Variants in KCTD8 observed in about 807,000 individuals in gnomAD.
KCTD8 encodes potassium channel tetramerization domain containing 8.
A neutral mutation model predicts 31.5 loss-of-function variants in KCTD8; 27 were observed. That is an observed-to-expected ratio of 0.86 (90% CI 0.63 to 1.18). KCTD8 has a LOEUF of 1.18. Ranked by LOEUF, KCTD8 falls within the 50% of genes most tolerant of loss-of-function variation. The pLI, the probability that KCTD8 is intolerant of heterozygous loss-of-function variation, is 0.00. For missense variants in KCTD8, 658 were observed against 647.7 expected (o/e 1.02, Z -0.17); for synonymous variants, 290 against 280.0 (o/e 1.04, Z -0.36).
chr4:44,224,359 G>C (rs1349679878), intron 1 of KCTD8, among the ~76,000 whole-genome samples: 2 of 152,056 alleles, frequency 1.3e-5, no homozygotes, highest in Non-Finnish European at 2.9e-5. Flanking sequence ...CCACCAACAT[G>C]CAGAAAACTC....
chr4:44,374,835 C>A (rs1719878926), intron 1 of KCTD8, among the ~76,000 whole-genome samples: 1 of 152,042 alleles, frequency 6.6e-6, no homozygotes. Context: ...GATAACTGAT[C>A]ACAGATCATC....
intron 1 of KCTD8, among the ~76,000 whole-genome samples, chr4:44,397,977 T>A (rs1371420664): frequency 1.3e-5 from 2 of 152,162 alleles, no homozygotes; most frequent in Admixed American, 6.6e-5. Context: ...ATCCTTTTGG[T>A]CACATCCTTT....
chr4:44,176,916 G>C (rs1713235176), intron 1 of KCTD8, among the ~76,000 whole-genome samples: 1 of 125,460 alleles, frequency 8.0e-6, no homozygotes, highest in Admixed American at 8.1e-5. Flanking sequence ...AAAGTCTTAA[G>C]CAATATTTCA....
intron 1 of KCTD8, among the ~76,000 whole-genome samples, chr4:44,415,729 A>T (rs1389897972): frequency 6.6e-6 from 1 of 152,190 alleles, no homozygotes; most frequent in African/African-American, 2.4e-5. Flanking sequence ...AGGCAAACAG[A>T]ATGCAAAAGT....
At chr4:44,427,369 AAATCCTAGC>A (rs1721374870) in intron 1 of KCTD8, among the ~76,000 whole-genome samples, 1 of 151,382 alleles carries the variant, frequency 6.6e-6, no homozygotes, top group African/African-American at 2.4e-5. Flanking sequence ...GTATTACTAT[AAATCCTAGC>A]AAGTTCTATA....
intron 1 of KCTD8, among the ~76,000 whole-genome samples, chr4:44,238,092 T>A (rs1434620549): frequency 6.6e-6 from 1 of 152,110 alleles, no homozygotes; most frequent in East Asian, 1.9e-4. Flanking sequence ...TGTACCATAA[T>A]CCCCCTTACT....
intron 1 of KCTD8, among the ~76,000 whole-genome samples, chr4:44,379,873 A>C (rs1286528432): frequency 6.6e-6 from 1 of 152,068 alleles, no homozygotes; most frequent in African/African-American, 2.4e-5. Flanking sequence ...TTAAAATCAC[A>C]CTCAAAGCCT....
intron 1 of KCTD8, among the ~76,000 whole-genome samples, chr4:44,234,805 A>T (rs949250261): frequency 1.8e-4 from 27 of 152,194 alleles, no homozygotes; most frequent in African/African-American, 5.5e-4. Context: ...TGGGAGCCTA[A>T]CCAAAGTAAA....
intron 1 of KCTD8, among the ~76,000 whole-genome samples, chr4:44,277,655 A>T (rs1382631657): frequency 2.0e-5 from 3 of 151,914 alleles, no homozygotes; most frequent in African/African-American, 7.2e-5. Context: ...TAATTAATTA[A>T]TAATTAATTA....
chr4:44,429,682 T>G (rs1721427920), intron 1 of KCTD8, among the ~76,000 whole-genome samples: 1 of 151,778 alleles, frequency 6.6e-6, no homozygotes, highest in Non-Finnish European at 1.5e-5. Context: ...CTCTGGCAAG[T>G]TTAAAAAGTA....
chr4:44,318,626 A>T (rs935930143), intron 1 of KCTD8, among the ~76,000 whole-genome samples: 3 of 152,244 alleles, frequency 2.0e-5, no homozygotes, highest in Non-Finnish European at 4.4e-5. Context: ...GTTAACTGAC[A>T]TAGTGAGGGA....
rs114921160 is a variant in KCTD8 at position 44,389,162 on chromosome 4, G to C, written c.961+58401C>G. On this transcript the variant is annotated intron_variant, in intron 1 of 1. Transcript: ENST00000360029. ...AGGATGTTGTAAGGAGGTAAGGATG[G>C]TTAATGGGTACAAAAATATAGTTAG... 8.5e-3 allele frequency among the ~76,000 whole-genome samples: 1,296 copies of C among 151,804 alleles called. 14 individuals are homozygous for C. Among genetic ancestry groups the C allele is most frequent in the Middle Eastern group, 0.017 (5 of 294 alleles).
At chr4:44,316,520 G>A (rs1718112742) in intron 1 of KCTD8, among the ~76,000 whole-genome samples, 1 of 151,886 alleles carries the variant, frequency 6.6e-6, no homozygotes, top group African/African-American at 2.4e-5. Context: ...AGTGTGCCGA[G>A]CCAAATGTGT....
intron 1 of KCTD8, among the ~76,000 whole-genome samples, chr4:44,267,939 T>C (rs1370089757): frequency 2.0e-5 from 3 of 152,152 alleles, no homozygotes; most frequent in Admixed American, 1.3e-4. Flanking sequence ...ACCAGATGGA[T>C]TCACAGCAGA....
At chr4:44,366,197 C>T (rs771946591) in intron 1 of KCTD8, among the ~76,000 whole-genome samples, 1 of 152,070 alleles carries the variant, frequency 6.6e-6, no homozygotes, top group Non-Finnish European at 1.5e-5. Context: ...AGCAAACAAA[C>T]AAGACACGGA....
At chr4:44,360,463 T>C (rs944988384) in intron 1 of KCTD8, among the ~76,000 whole-genome samples, 21 of 152,026 alleles carry the variant, frequency 1.4e-4, no homozygotes, top group South Asian at 2.1e-4. Context: ...AAAAATAAAA[T>C]CCAAGTTGCC....
chr4:44,185,837 C>T (rs552790881), intron 1 of KCTD8, among the ~76,000 whole-genome samples: 1 of 151,246 alleles, frequency 6.6e-6, no homozygotes, highest in East Asian at 2.0e-4. Flanking sequence ...TATTTCTGTA[C>T]TCAGTTTAAC....
At chr4:44,216,369 C>T (rs1212323330) in intron 1 of KCTD8, among the ~76,000 whole-genome samples, 1 of 152,030 alleles carries the variant, frequency 6.6e-6, no homozygotes, top group Non-Finnish European at 1.5e-5. Context: ...ATAACAGTAA[C>T]AATCATAAGG....
chr4:44,233,795 T>G (rs530601091), intron 1 of KCTD8, among the ~76,000 whole-genome samples: 6 of 152,322 alleles, frequency 3.9e-5, no homozygotes, highest in Non-Finnish European at 7.4e-5. Flanking sequence ...TAACTGCTTT[T>G]TCCTAAGAAT....
Sources: allele counts gnomAD v4.1 joint callset (sites outside exome capture counted in the v4.1 genomes callset), GRCh38; gene constraint gnomAD v4.1.1; transcripts MANE v1.5; gene names NCBI Gene and HGNC (gene_info 2026-07-23, HGNC 2026-07-21).